Variants in CMTM4 observed in about 807,000 individuals in gnomAD.
The protein encoded by CMTM4 is CKLF-like MARVEL transmembrane domain-containing protein 4.
Under a neutral mutation model 19.0 loss-of-function variants are expected in CMTM4, and 8 were observed. The observed-to-expected ratio is 0.42, with a 90% CI of 0.25 to 0.76. The LOEUF is 0.76. Ranked by LOEUF, CMTM4 falls within the 30% of genes least tolerant of loss-of-function variation. CMTM4 has a pLI of 0.27. For synonymous variants in CMTM4, 106 were observed against 121.1 expected, an observed-to-expected ratio of 0.88 and a Z score of 0.82; for missense variants, 228 against 290.2, an observed-to-expected ratio of 0.79 and a Z score of 1.56.
chr16:66,632,763 A>C (rs1362309608), intron 2 of CMTM4, among the ~76,000 whole-genome samples: 1 of 152,052 alleles, frequency 6.6e-6, no homozygotes, highest in Non-Finnish European at 1.5e-5. Context: ...GGAACATGTG[A>C]GTGTATGAGC....
At chr16:66,636,750 A>G (rs1394541906) in intron 1 of CMTM4, among the ~76,000 whole-genome samples, 169 bp from the exon 2 acceptor site, 1 of 152,130 alleles carries the variant, frequency 6.6e-6, no homozygotes, top group Admixed American at 6.5e-5. Context: ...ATTCTTACCT[A>G]AAGAATAGGT....
At chr16:66,623,541 A>G (rs752574331) in intron 2 of CMTM4, 39 bp from the exon 3 acceptor site, 1 of 1,450,344 alleles carries the variant, frequency 6.9e-7, no homozygotes, top group Admixed American at 2.0e-5. Context: ...GAAAAGAACC[A>G]TTCCATCTTT....
chr16:66,604,642 C>A, the CMTM4 span: 1 of 351,826 alleles, frequency 2.8e-6, no homozygotes, highest in Non-Finnish European at 3.8e-6. Flanking sequence ...GAGGGGCGGG[C>A]TGGAGGAGCG....
intron 1 of CMTM4, among the ~76,000 whole-genome samples, chr16:66,640,153 T>C (rs1006170388): frequency 5.9e-5 from 9 of 152,144 alleles, no homozygotes; most frequent in African/African-American, 2.2e-4. Context: ...GTGAAACCAC[T>C]AACTGGGCAT....
At position 66,681,798 on chromosome 16, in the gene CMTM4, A is replaced by T. The variant is rs553924104; in HGVS notation, c.186+14542T>A. On this transcript the variant is annotated intron_variant, in intron 1 of 3. Coordinates refer to ENST00000394106, the MANE Select transcript of CMTM4 (RefSeq NM_181521.3). ...CCCCCTCATCTTGCCCCATTTGTCAAATCACTTGCCCTTCCCTTCCATACC... is the reference window on the plus strand; with the variant it reads ...CCCCCTCATCTTGCCCCATTTGTCATATCACTTGCCCTTCCCTTCCATACC... 2.2e-4 allele frequency among the ~76,000 whole-genome samples: 33 copies of T among 152,276 alleles called. 1 individual carries two copies. In the South Asian group the frequency reaches 6.8e-3, roughly 32 times the overall value.
chr16:66,662,714 A>G (rs953606556), intron 1 of CMTM4, among the ~76,000 whole-genome samples: 1 of 152,118 alleles, frequency 6.6e-6, no homozygotes, highest in African/African-American at 2.4e-5. Context: ...CAGCTGTGGA[A>G]ACTGTTCAAC....
At chr16:66,691,351 T>C (rs1292501767) in intron 1 of CMTM4, among the ~76,000 whole-genome samples, 1 of 151,944 alleles carries the variant, frequency 6.6e-6, no homozygotes, top group Non-Finnish European at 1.5e-5. Context: ...TTTAAATCAG[T>C]TGTTTAACCA....
At position 66,619,846 on chromosome 16, in the gene CMTM4, A is replaced by G; in HGVS notation, c.*2212T>C. On this transcript the variant is annotated 3_prime_UTR_variant, in exon 4 of 4. Coordinates refer to ENST00000394106, the MANE Select transcript of CMTM4 (RefSeq NM_181521.3). ...GTTACAGGGACATAAATAATTCTGA[A>G]GAGTCTATCACGAAGATGCAAATTA... 1 of 985,442 alleles carries G rather than the reference A, an allele frequency of 1.0e-6. No individual in the cohort carries two copies. The highest frequency in any genetic ancestry group is 4.7e-5 in the South Asian group (1 of 21,286). 61.0% of individuals were successfully genotyped at this position (985,442 alleles called of 1,614,324 possible). A position where few individuals can be genotyped will look rare whatever the true frequency, so the allele number is the denominator to read the frequency against.
chr16:66,610,173 G>A (rs113600950), downstream of CMTM4: 80 of 817,394 alleles, frequency 9.8e-5, no homozygotes, highest in African/African-American at 1.2e-3. The surrounding 1 kb of genome is among the most constrained non-coding windows in gnomAD (Gnocchi z 4.6). Context: ...TCCAAAGCCA[G>A]TCCCATTCGC....
Position 66,617,700 on chromosome 16 carries a change from C to T in CMTM4, c.*4358G>A, listed in dbSNP as rs969779178. ...AGAAGAAACACAAGATTCTACAAAG[C>T]GCCAGGGAAGTTTACAAAGCTAAAA... On this transcript the variant is annotated 3_prime_UTR_variant, in exon 4 of 4. Coordinates refer to ENST00000394106, the MANE Select transcript of CMTM4 (RefSeq NM_181521.3). 2.0e-5 allele frequency: 21 copies of T among 1,045,772 alleles called. No individual in the cohort carries two copies. The highest frequency in any genetic ancestry group is 1.4e-4 in the African/African-American group (8 of 58,164). The allele number at this position is 1,045,772 out of a possible 1,614,324, so 64.8% of individuals were successfully genotyped here.
the CMTM4 span, among the ~76,000 whole-genome samples, chr16:66,600,136 GTTT>G: frequency 7.4e-6 from 1 of 135,154 alleles, no homozygotes; most frequent in African/African-American, 2.9e-5. Context: ...GTGTGTGTGT[GTTT>G]TTTTTTGTTT....
intron 1 of CMTM4, among the ~76,000 whole-genome samples, chr16:66,663,267 GAA>G (rs932359675): frequency 6.6e-6 from 1 of 152,134 alleles, no homozygotes; most frequent in Non-Finnish European, 1.5e-5. Flanking sequence ...AATTCATATG[GAA>G]AAAGACAATC....
chr16:66,683,014 T>C (rs565069842), intron 1 of CMTM4, among the ~76,000 whole-genome samples: 17 of 151,522 alleles, frequency 1.1e-4, no homozygotes, highest in East Asian at 3.9e-4. Flanking sequence ...TAGCAGTAGA[T>C]AGTCTACTTA....
At position 66,622,287 on chromosome 16, in the gene CMTM4, G is replaced by A. The variant is rs2015654612; in HGVS notation, c.463-65C>T. 1 of 1,561,138 alleles carries A rather than the reference G, an allele frequency of 6.4e-7. No individual in the cohort carries two copies. The highest frequency in any genetic ancestry group is 8.7e-7 in the Non-Finnish European group (1 of 1,148,670). On this transcript the variant is annotated intron_variant, in intron 3 of 3. Transcript: ENST00000394106. This position sits in a 1 kb window ranked among gnomAD's most constrained non-coding sequence, Gnocchi z 4.0. ...CCTGGCCCCTCAAGGCTTCTGTGGTGACCCAAGCCACATGCAGCCCCTTCC... is the reference window on the plus strand; with the variant it reads ...CCTGGCCCCTCAAGGCTTCTGTGGTAACCCAAGCCACATGCAGCCCCTTCC...
chr16:66,627,284 A>C (rs1239247877), intron 2 of CMTM4, among the ~76,000 whole-genome samples: 1 of 152,242 alleles, frequency 6.6e-6, no homozygotes, highest in Non-Finnish European at 1.5e-5. Context: ...TAAATGAAAA[A>C]GCATGATTTT....
chr16:66,606,571 G>C, the CMTM4 span, among the ~76,000 whole-genome samples: 2 of 152,264 alleles, frequency 1.3e-5, no homozygotes, highest in African/African-American at 4.8e-5. Context: ...TGGGGCATCT[G>C]GGTGTCCCCA....
At chr16:66,690,455 A>G (rs1374318349) in intron 1 of CMTM4, among the ~76,000 whole-genome samples, 1 of 152,190 alleles carries the variant, frequency 6.6e-6, no homozygotes, top group Non-Finnish European at 1.5e-5. Context: ...TCAAAGTTGC[A>G]GCTTTGTAAA....
chr16:66,696,192 G>T lies in CMTM4; in HGVS notation c.186+148C>A. 2.0e-6 allele frequency: 1 copy of T among 491,024 alleles called. No individual in the cohort carries two copies. The highest frequency in any genetic ancestry group is 3.1e-6 in the Non-Finnish European group (1 of 319,250). 30.4% of individuals were successfully genotyped at this position (491,024 alleles called of 1,614,324 possible). ...GGTCCCCAGAGAAGGCTGCAGAGTG[G>T]TCCCGGGACCCCACGAGGGAGAGGG... On this transcript the variant is annotated intron_variant, in intron 1 of 3. Transcript: ENST00000394106. This position sits in a 1 kb window ranked among gnomAD's most constrained non-coding sequence, Gnocchi z 4.3.
intron 1 of CMTM4, among the ~76,000 whole-genome samples, chr16:66,694,024 A>G (rs1213657615): frequency 6.6e-6 from 1 of 152,088 alleles, no homozygotes; most frequent in Non-Finnish European, 1.5e-5. Context: ...CCAGTGTTTA[A>G]AAAAGAAAGA....
Sources: allele counts gnomAD v4.1 joint callset (sites outside exome capture counted in the v4.1 genomes callset), GRCh38; gene constraint gnomAD v4.1.1; non-coding constraint Gnocchi (gnomAD v3.1); transcripts MANE v1.5; gene names NCBI Gene and HGNC (gene_info 2026-07-23, HGNC 2026-07-21).